CAND2: variants seen among roughly 807,000 people sequenced by gnomAD.
The protein encoded by CAND2 is cullin-associated NEDD8-dissociated protein 2.
A neutral mutation model predicts 98.9 loss-of-function variants in CAND2; 62 were observed. That is an observed-to-expected ratio of 0.63 (90% CI 0.51 to 0.77). CAND2 has a LOEUF of 0.77. Ranked by LOEUF, CAND2 falls within the 30% of genes least tolerant of loss-of-function variation. The pLI, the probability that CAND2 is intolerant of heterozygous loss-of-function variation, is 0.00. For missense variants in CAND2, 1,501 were observed against 1,655.2 expected (o/e 0.91, Z 1.62); for synonymous variants, 770 against 731.9 (o/e 1.05, Z -0.84).
At chr3:12,802,774 C>T (rs981545743) in intron 1 of CAND2, among the ~76,000 whole-genome samples, 4 of 152,148 alleles carry the variant, frequency 2.6e-5, no homozygotes, top group Non-Finnish European at 2.9e-5. Context: ...GTGTGAACCT[C>T]ATAGAGTGTG....
At position 12,820,195 on chromosome 3, in the gene CAND2, T is replaced by C. The variant is rs1248253754; in HGVS notation, c.3040+14T>C. 5 of 1,597,806 alleles carry C rather than the reference T, an allele frequency of 3.1e-6. No individual in the cohort carries two copies. The South Asian group carries it at 5.5e-5, about 18-fold the overall frequency. Reference sequence around the variant, plus strand: ...AGAGCTTCATCGGTGAGCACCTACCTCTTGCCCCTCCACCTTGTTCAGTGC... The same window carrying C: ...AGAGCTTCATCGGTGAGCACCTACCCCTTGCCCCTCCACCTTGTTCAGTGC... On this transcript the variant is annotated intron_variant, in intron 11 of 14. Coordinates refer to ENST00000456430, the MANE Select transcript of CAND2 (RefSeq NM_001162499.2).
chr3:12,823,973 CTTTA>C, intron 11 of CAND2, among the ~76,000 whole-genome samples: 1 of 124,636 alleles, frequency 8.0e-6, no homozygotes, highest in East Asian at 2.2e-4. Flanking sequence ...ATCCTTATTT[CTTTA>C]TTAAGTATAT....
intron 5 of CAND2, among the ~76,000 whole-genome samples, chr3:12,812,594 C>T (rs61664354): frequency 0.29 from 44,064 of 151,420 alleles, 8,162 homozygotes; most frequent in Non-Finnish European, 0.42. Context: ...TTAGTAGAGA[C>T]GGGGTTTCAC....
chr3:12,799,036 AGTCAAAACGAGTACCCTTGCAG>A (rs1348690550), intron 1 of CAND2, among the ~76,000 whole-genome samples: 1 of 152,186 alleles, frequency 6.6e-6, no homozygotes, highest in Non-Finnish European at 1.5e-5. Context: ...AGGCTCCAGC[AGTCAAAACGAGTACCCTTGCAG>A]GTCTTGCAGG....
chr3:12,821,998 T>C (rs2061960238), intron 11 of CAND2, among the ~76,000 whole-genome samples: 1 of 152,164 alleles, frequency 6.6e-6, no homozygotes, highest in South Asian at 2.1e-4. Context: ...TTCTCATCAA[T>C]TTTTTTGCCC....
In CAND2 at chr3:12,817,735, G is replaced by A. The variant is rs370108690; in HGVS notation, c.2803G>A (p.Glu935Lys). 8.8e-6 allele frequency: 14 copies of A among 1,585,408 alleles called. No individual in the cohort carries two copies. The highest frequency in any genetic ancestry group is 4.7e-5 in the South Asian group (4 of 86,004). Residue 935 changes from glutamate (E) to lysine (K), a missense_variant, in exon 10 of 15, where the codon GAG (glutamate) becomes AAG (lysine). Physicochemically the swap from Glu to Lys is moderately conservative, Grantham distance 56. Transcript: ENST00000456430. ...AQPDSLKPYAEDIWALLFQRC... is the reference protein window; with the variant it reads ...AQPDSLKPYAKDIWALLFQRC... ...GCCTGACAGCCTGAAGCCCTACGCCGAGGACATCTGGGCCTTGCTGTTCCA... is the reference window on the plus strand; with the variant it reads ...GCCTGACAGCCTGAAGCCCTACGCCAAGGACATCTGGGCCTTGCTGTTCCA...
chr3:12,801,649 C>T (rs1286296882), intron 1 of CAND2, among the ~76,000 whole-genome samples: 1 of 152,230 alleles, frequency 6.6e-6, no homozygotes, highest in Non-Finnish European at 1.5e-5. Context: ...TAGCCCTTGC[C>T]TCTGGTGCCC....
chr3:12,801,821 C>G (rs1419872676), intron 1 of CAND2, among the ~76,000 whole-genome samples: 1 of 152,236 alleles, frequency 6.6e-6, no homozygotes, highest in Non-Finnish European at 1.5e-5. Context: ...CAACTCAGAC[C>G]TGCTGATTCA....
intron 4 of CAND2, chr3:12,809,785 A>G: frequency 2.6e-6 from 1 of 386,650 alleles, no homozygotes. Context: ...CAGCCTTACT[A>G]GATCCTCTAT....
rs2061991422 is a variant in CAND2, at chr3:12,825,477, C to T, written c.3048C>T (p.Phe1016=). 4.5e-6 allele frequency: 7 copies of T among 1,554,396 alleles called. No homozygotes were observed. Among genetic ancestry groups the T allele is most frequent in the Non-Finnish European group, 6.1e-6 (7 of 1,148,178 alleles). The change falls in exon 12 of 15, where the codon TTC becomes TTT. Residue 1016 remains phenylalanine (F), a synonymous_variant. Coordinates refer to ENST00000456430, the MANE Select transcript of CAND2 (RefSeq NM_001162499.2). Reference sequence around the variant, plus strand: ...CTCATGTTCTTCTGCCAGGAGAGTTCATGGAGAGCCTGCAGGACCCAGACC... The same window carrying T: ...CTCATGTTCTTCTGCCAGGAGAGTTTATGGAGAGCCTGCAGGACCCAGACC... The part of the protein sequence containing the change: ...DPLLKSFIGE[F]MESLQDPDLN...
chr3:12,799,744 C>T (rs899902732), intron 1 of CAND2, among the ~76,000 whole-genome samples: 1 of 152,160 alleles, frequency 6.6e-6, no homozygotes, highest in African/African-American at 2.4e-5. Context: ...GCTCTGGTGG[C>T]CAGACTTGTA....
At chr3:12,810,732 C>T (rs545529730) in intron 5 of CAND2, among the ~76,000 whole-genome samples, 30 of 152,230 alleles carry the variant, frequency 2.0e-4, no homozygotes, top group Non-Finnish European at 3.8e-4. Flanking sequence ...CCCAGTTTGA[C>T]AAAGATATCT....
intron 10 of CAND2, among the ~76,000 whole-genome samples, chr3:12,819,414 G>A (rs911090850): frequency 3.3e-5 from 5 of 152,226 alleles, no homozygotes; most frequent in Non-Finnish European, 4.4e-5. Context: ...AGATTCAGAC[G>A]CAGGTGGAGC....
chr3:12,819,442 C>T (rs1285537999), intron 10 of CAND2, among the ~76,000 whole-genome samples: 10 of 152,204 alleles, frequency 6.6e-5, no homozygotes, highest in Non-Finnish European at 1.3e-4. Context: ...CATTCGTTTC[C>T]TTCATTAAGG....
chr3:12,810,018 C>T (rs201582094), intron 4 of CAND2, 41 bp from the exon 5 acceptor site: 1 of 1,380,484 alleles, frequency 7.2e-7, no homozygotes, highest in Non-Finnish European at 9.3e-7. Context: ...CCAGGTTGCC[C>T]GCGGAGTGCG....
chr3:12,808,153 G>A, intron 3 of CAND2, 57 bp from the exon 4 acceptor site: 1 of 1,542,540 alleles, frequency 6.5e-7, no homozygotes, highest in Non-Finnish European at 8.8e-7. Context: ...ACTAGTGGTG[G>A]AGGCTGCCTT....
At chr3:12,798,571 G>A (rs1206361468) in intron 1 of CAND2, among the ~76,000 whole-genome samples, 1 of 152,084 alleles carries the variant, frequency 6.6e-6, no homozygotes, top group Non-Finnish European at 1.5e-5. Flanking sequence ...CCTGTTTTCC[G>A]GAGGCTTGGA....
At chr3:12,814,717 C>G (rs550257505) in intron 7 of CAND2, among the ~76,000 whole-genome samples, 161 of 152,120 alleles carry the variant, frequency 1.1e-3, no homozygotes, top group Non-Finnish European at 1.8e-3. Flanking sequence ...CAAATTGATT[C>G]TCCAAGTCTA....
chr3:12,804,009 G>A lies in CAND2; in HGVS notation c.212+378G>A, dbSNP rs139022494. Among the ~76,000 whole-genome samples, 1,154 of 152,188 alleles carry A rather than the reference G, an allele frequency of 7.6e-3. 11 individuals carry two copies. Among genetic ancestry groups the A allele is most frequent in the Non-Finnish European group, 0.011 (746 of 67,990 alleles). On this transcript the variant is annotated intron_variant, in intron 2 of 14. Coordinates refer to ENST00000456430, the MANE Select transcript of CAND2 (RefSeq NM_001162499.2). Reference sequence around the variant, plus strand: ...CCACTCAAAGGGTAAGGGAGCTGGGGTATTAATCCACCAGCTCCCTGGTAG... The same window carrying A: ...CCACTCAAAGGGTAAGGGAGCTGGGATATTAATCCACCAGCTCCCTGGTAG...
Sources: allele counts gnomAD v4.1 joint callset (sites outside exome capture counted in the v4.1 genomes callset), GRCh38; gene constraint gnomAD v4.1.1; transcripts MANE v1.5; gene names NCBI Gene and HGNC (gene_info 2026-07-23, HGNC 2026-07-21).